TLCD4: variants seen among roughly 807,000 people sequenced by gnomAD.
The protein encoded by TLCD4 is TLC domain-containing protein 4.
A neutral mutation model predicts 24.2 loss-of-function variants in TLCD4; 7 were observed. The ratio of observed to expected loss-of-function variants is 0.29; its 90% CI spans 0.16 to 0.54. The LOEUF is 0.54. Among genes scored for constraint, TLCD4 ranks in the 20% least tolerant of loss-of-function variants. The probability of loss-of-function intolerance (pLI) is 0.95; values close to 1 mark genes in which losing one functional copy is unlikely to be tolerated. For missense variants in TLCD4, 259 were observed against 313.9 expected (o/e 0.82, Z 1.32); for synonymous variants, 103 against 106.4 (o/e 0.97, Z 0.20).
chr1:95,125,514 A>C (rs1676710028), intron 1 of TLCD4: 11 of 152,230 alleles, frequency 7.2e-5, no homozygotes, highest in Admixed American at 7.2e-4. Flanking sequence ...TTATCTTTTA[A>C]GACTAGTCAA....
intron 6 of TLCD4, among the ~76,000 whole-genome samples, chr1:95,186,974 A>C (rs1365472464): frequency 6.6e-6 from 1 of 152,234 alleles, no homozygotes; most frequent in Non-Finnish European, 1.5e-5. Flanking sequence ...TGACTAATTC[A>C]GTTAAATTGA....
chr1:95,178,042 C>G (rs975731819), intron 6 of TLCD4, among the ~76,000 whole-genome samples: 1 of 151,384 alleles, frequency 6.6e-6, no homozygotes, highest in African/African-American at 2.4e-5. Flanking sequence ...CCTACACCTC[C>G]CGGGTTCAGG....
At chr1:95,171,940 T>C (rs1678244375) in intron 5 of TLCD4, among the ~76,000 whole-genome samples, 1 of 152,156 alleles carries the variant, frequency 6.6e-6, no homozygotes, top group Non-Finnish European at 1.5e-5. Context: ...CCACTATGAC[T>C]GGTCTCCTTG....
chr1:95,152,906 A>T (rs1191887822), intron 5 of TLCD4, among the ~76,000 whole-genome samples: 2 of 152,196 alleles, frequency 1.3e-5, no homozygotes, highest in South Asian at 2.1e-4. Flanking sequence ...TTCTGACTAC[A>T]TTGATAGCCT....
intron 5 of TLCD4, 24 bp from the exon 6 acceptor site, chr1:95,173,792 T>C: frequency 6.2e-7 from 1 of 1,613,674 alleles, no homozygotes; most frequent in South Asian, 1.1e-5. Context: ...ATCCTTGACG[T>C]TGTGTTTTAT....
chr1:95,112,030 T>A, the TLCD4 span, among the ~76,000 whole-genome samples: 1 of 152,318 alleles, frequency 6.6e-6, no homozygotes, highest in South Asian at 2.1e-4. Context: ...GATGTCTCAA[T>A]CTTGGCACAG....
At chr1:95,155,683 C>A (rs1226812943) in intron 5 of TLCD4, among the ~76,000 whole-genome samples, 2 of 151,088 alleles carry the variant, frequency 1.3e-5, no homozygotes, top group East Asian at 3.9e-4. Flanking sequence ...TTGACGGGTA[C>A]AGGATCAGAA....
At chr1:95,149,170 T>C (rs1677427449) in intron 3 of TLCD4, among the ~76,000 whole-genome samples, 1 of 152,192 alleles carries the variant, frequency 6.6e-6, no homozygotes, top group African/African-American at 2.4e-5. Context: ...CCAATTTATG[T>C]TTGACTCATT....
At chr1:95,129,033 GT>G (rs1447705317) in intron 1 of TLCD4, among the ~76,000 whole-genome samples, 1 of 152,334 alleles carries the variant, frequency 6.6e-6, no homozygotes, top group East Asian at 1.9e-4. Context: ...ACAGAGCTTA[GT>G]TTAGAGAACA....
chr1:95,149,552 G>A (rs147715725), intron 3 of TLCD4, among the ~76,000 whole-genome samples: 36 of 152,170 alleles, frequency 2.4e-4, no homozygotes, highest in Middle Eastern at 3.4e-3. Context: ...ATTCCCAGAA[G>A]AATAATATCA....
chr1:95,100,742 G>A, the TLCD4 span, among the ~76,000 whole-genome samples: 1 of 151,998 alleles, frequency 6.6e-6, no homozygotes, highest in Non-Finnish European at 1.5e-5. Context: ...CATCTGCCTG[G>A]TTCCCTCACT....
At chr1:95,104,334 C>T in the TLCD4 span, among the ~76,000 whole-genome samples, 15 of 152,186 alleles carry the variant, frequency 9.9e-5, no homozygotes, top group East Asian at 1.5e-3. Context: ...TGTGTACTGA[C>T]GAACCCATCA....
chr1:95,149,786 G>A (rs1002116415), intron 3 of TLCD4, among the ~76,000 whole-genome samples: 7 of 151,984 alleles, frequency 4.6e-5, no homozygotes, highest in African/African-American at 7.2e-5. Context: ...TTGCCTTATC[G>A]AACTTTAACA....
chr1:95,128,482 C>T (rs1450955205), intron 1 of TLCD4, among the ~76,000 whole-genome samples: 1 of 152,012 alleles, frequency 6.6e-6, no homozygotes, highest in East Asian at 1.9e-4. Context: ...TTGTTAAAAT[C>T]CAGTTAAAAT....
intron 6 of TLCD4, among the ~76,000 whole-genome samples, chr1:95,174,449 T>C (rs1304597294): frequency 6.7e-6 from 1 of 150,048 alleles, no homozygotes; most frequent in Non-Finnish European, 1.5e-5. Flanking sequence ...GGCAGGAGGA[T>C]TGCTTGAGGC....
chr1:95,152,526 G>C (rs1353512273), intron 5 of TLCD4, among the ~76,000 whole-genome samples: 3 of 152,052 alleles, frequency 2.0e-5, no homozygotes, highest in Non-Finnish European at 4.4e-5. Context: ...GTGATGAATA[G>C]AAGCAAGTTC....
At chr1:95,138,707 A>G (rs1247615057) in intron 1 of TLCD4, among the ~76,000 whole-genome samples, 1 of 151,990 alleles carries the variant, frequency 6.6e-6, no homozygotes, top group African/African-American at 2.4e-5. Context: ...ACTACATTGT[A>G]TAGTATTTAC....
At chr1:95,126,049 T>C (rs562294619) in intron 1 of TLCD4, among the ~76,000 whole-genome samples, 12 of 150,802 alleles carry the variant, frequency 8.0e-5, no homozygotes, top group Non-Finnish European at 1.5e-4. Context: ...CCTAGCACTT[T>C]GGGAGTCTGA....
intron 3 of TLCD4, among the ~76,000 whole-genome samples, chr1:95,149,602 G>A (rs1000649593): frequency 2.0e-5 from 3 of 152,070 alleles, no homozygotes; most frequent in African/African-American, 7.2e-5. Context: ...TTTTCAAAGA[G>A]AATTAATTTA....
Sources: gnomAD v4.1 joint callset for allele counts (sites outside exome capture counted in the v4.1 genomes callset) on GRCh38, gnomAD v4.1.1 for gene constraint, MANE v1.5 for transcripts, NCBI Gene and HGNC (gene_info 2026-07-23, HGNC 2026-07-21) for gene names.